The following EHD3 variants were observed in gnomAD, a reference collection of about 807,000 sequenced individuals.
The protein encoded by EHD3 is EH domain containing 3.
Under a neutral mutation model 43.0 loss-of-function variants are expected in EHD3, and 17 were observed. That is an observed-to-expected ratio of 0.40 (90% CI 0.27 to 0.59). The LOEUF (loss-of-function observed/expected upper bound fraction) is 0.59. EHD3 is among the 20% of genes least tolerant of loss of function. The pLI, the probability that EHD3 is intolerant of heterozygous loss-of-function variation, is 0.49. For synonymous variants in EHD3, 313 were observed against 289.5 expected (o/e 1.08, Z -0.82); for missense variants, 594 against 705.6 (o/e 0.84, Z 1.79).
chr2:31,260,898 C>T lies in EHD3; in HGVS notation c.891C>T (p.Leu297=). The change falls in exon 4 of 6, where the codon CTC becomes CTT. Residue 297 remains leucine, a synonymous_variant. Transcript: ENST00000322054. This position sits in a 1 kb window ranked among gnomAD's most constrained non-coding sequence, Gnocchi z 4.6. The part of the protein sequence containing the change: ...RNAALRKLND[L]IKRARLAKVH... Reference sequence around the variant, plus strand: ...CTGCCCTGCGCAAGCTCAACGACCTCATCAAAAGGGCCAGGCTGGCCAAGG... The same window carrying T: ...CTGCCCTGCGCAAGCTCAACGACCTTATCAAAAGGGCCAGGCTGGCCAAGG... 1.2e-6 allele frequency: 2 copies of T among 1,611,260 alleles called. No homozygotes were observed. The highest frequency in any genetic ancestry group is 1.7e-6 in the Non-Finnish European group (2 of 1,178,582).
chr2:31,265,450 C>A (rs1683932139), intron 5 of EHD3, among the ~76,000 whole-genome samples: 1 of 152,208 alleles, frequency 6.6e-6, no homozygotes, highest in Non-Finnish European at 1.5e-5. Flanking sequence ...TTATTGTCTT[C>A]TGGGACCCTC....
intron 2 of EHD3, among the ~76,000 whole-genome samples, chr2:31,245,553 A>ATATATATATATT (rs1446415610): frequency 1.7e-4 from 6 of 35,074 alleles, no homozygotes; most frequent in African/African-American, 4.5e-4. Context: ...ATATATATAT[A>ATATATATATATT]TTTTTTTTTT....
chr2:31,254,019 A>G (rs1683690309), intron 3 of EHD3, among the ~76,000 whole-genome samples: 1 of 152,126 alleles, frequency 6.6e-6, no homozygotes, highest in Non-Finnish European at 1.5e-5. Flanking sequence ...TTAGGAAAGC[A>G]GGGCGGGGCT....
chr2:31,266,786 ACACAC>A lies in EHD3; in HGVS notation c.*83_*87del. On this transcript the variant is annotated 3_prime_UTR_variant, in exon 6 of 6. Coordinates refer to ENST00000322054, the MANE Select transcript of EHD3 (RefSeq NM_014600.3). The surrounding 1 kb of genome is among the most constrained non-coding windows in gnomAD (Gnocchi z 5.1). ...TACACACACACACACACACACACAC[ACACAC>A]ACAAACATGCACACACACATATGCA... 4 of 1,400,650 alleles carry A rather than the reference ACACAC, an allele frequency of 2.9e-6. No individual in the cohort carries two copies. The highest frequency in any genetic ancestry group is 1.4e-5 in the African/African-American group (1 of 70,470). The allele number at this position is 1,400,650 out of a possible 1,614,324, so 86.8% of individuals were successfully genotyped here.
rs1447445505 is a variant in EHD3, at chr2:31,268,183, C to T, written c.*1479C>T. 6.5e-6 allele frequency: 1 copy of T among 152,720 alleles called. No homozygotes were observed. Among genetic ancestry groups the T allele is most frequent in the Non-Finnish European group, 1.5e-5 (1 of 68,082 alleles). The allele number at this position is 152,720 out of a possible 1,614,324, so 9.5% of individuals were successfully genotyped here. On this transcript the variant is annotated 3_prime_UTR_variant, in exon 6 of 6. Transcript: ENST00000322054. ...TGTACTCAATGCCCTACATTCTCTT[C>T]TGTGGTCTCTCCCCTGGCTTGCTTC...
chr2:31,246,199 G>A (rs1414069413), intron 2 of EHD3, among the ~76,000 whole-genome samples: 2 of 152,082 alleles, frequency 1.3e-5, no homozygotes, highest in South Asian at 4.2e-4. Context: ...GAGTCCAGGG[G>A]TGTCTCTTAT....
chr2:31,249,082 AC>A (rs1683584327), intron 2 of EHD3, among the ~76,000 whole-genome samples: 1 of 152,128 alleles, frequency 6.6e-6, no homozygotes, highest in South Asian at 2.1e-4. Context: ...ACACATGAAG[AC>A]CCAATGTCGC....
chr2:31,249,225 C>G (rs542427867), intron 2 of EHD3, 146 bp from the exon 3 acceptor site: 1 of 699,654 alleles, frequency 1.4e-6, no homozygotes, highest in African/African-American at 1.8e-5. Context: ...TCAGCCACAC[C>G]CTGAACTGGG....
At chr2:31,261,108 T>C (rs1229837817) in intron 4 of EHD3, among the ~76,000 whole-genome samples, 186 bp downstream of exon 4, 1 of 152,230 alleles carries the variant, frequency 6.6e-6, no homozygotes, top group Non-Finnish European at 1.5e-5. Context: ...ACTGACTCCA[T>C]TGTTTACTGT....
intron 2 of EHD3, among the ~76,000 whole-genome samples, chr2:31,246,131 T>C (rs1482882830): frequency 1.3e-5 from 2 of 151,866 alleles, no homozygotes; most frequent in Non-Finnish European, 2.9e-5. Context: ...GAAGCTGAGG[T>C]CCCTTTAGGA....
intron 4 of EHD3, among the ~76,000 whole-genome samples, chr2:31,261,129 C>G (rs976394842): frequency 6.6e-6 from 1 of 152,222 alleles, no homozygotes; most frequent in Admixed American, 6.5e-5. Context: ...CTGTGGGATT[C>G]CCAGCCTTGG....
chr2:31,260,505 G>T lies in EHD3; in HGVS notation c.503-5G>T, dbSNP rs200027155. Reference sequence around the variant, plus strand: ...CCCAGCCCCTGATTGTCCCTCTGCCGGCAGGGTATGACTTTGCAGCTGTCC... The same window carrying T: ...CCCAGCCCCTGATTGTCCCTCTGCCTGCAGGGTATGACTTTGCAGCTGTCC... On this transcript the variant is annotated splice_region_variant and splice_polypyrimidine_tract_variant and intron_variant, in intron 3 of 5. Transcript: ENST00000322054. This position sits in a 1 kb window ranked among gnomAD's most constrained non-coding sequence, Gnocchi z 4.6. 9 of 1,586,716 alleles carry T rather than the reference G, an allele frequency of 5.7e-6. No homozygotes were observed. The African/African-American group carries it at 9.4e-5, about 17-fold the overall frequency.
rs748099055 is a variant in EHD3 at position 31,266,457 on chromosome 2, C to A, written c.1361C>A (p.Thr454Asn). Residue 454 changes from threonine (T) to asparagine (N), a missense_variant, in exon 6 of 6, where the codon ACC (threonine) becomes AAC (asparagine). Physicochemically the swap from Thr to Asn is moderately conservative, Grantham distance 65. Coordinates refer to ENST00000322054, the MANE Select transcript of EHD3 (RefSeq NM_014600.3). The surrounding 1 kb of genome is among the most constrained non-coding windows in gnomAD (Gnocchi z 5.1). ...DKPMYDEIFY[T>N]LSPVDGKITG... is the part of the protein sequence containing the mutation. ...CCCATGTACGACGAGATCTTCTACA[C>A]CCTGTCACCGGTGGATGGCAAGATC... 3 of 1,614,142 alleles carry A rather than the reference C, an allele frequency of 1.9e-6. No individual in the cohort carries two copies. Among genetic ancestry groups the A allele is most frequent in the Admixed American group, 3.3e-5 (2 of 60,020 alleles).
chr2:31,257,585 G>A (rs2148722059), intron 3 of EHD3, among the ~76,000 whole-genome samples: 2 of 152,294 alleles, frequency 1.3e-5, no homozygotes, highest in Middle Eastern at 6.8e-3. Flanking sequence ...AAGTGAGAAC[G>A]ATACTCCTCG....
intron 1 of EHD3, among the ~76,000 whole-genome samples, chr2:31,240,151 C>T (rs998489016): frequency 6.6e-6 from 1 of 152,150 alleles, no homozygotes; most frequent in African/African-American, 2.4e-5. Flanking sequence ...TCCACTTTCT[C>T]GCTTGTGTCT....
chr2:31,244,835 C>T (rs1221463090), intron 2 of EHD3, among the ~76,000 whole-genome samples: 4 of 152,126 alleles, frequency 2.6e-5, no homozygotes, highest in African/African-American at 9.7e-5. Context: ...CTTTTCTATT[C>T]ACGGATATTG....
At chr2:31,256,410 C>T (rs561690790) in intron 3 of EHD3, among the ~76,000 whole-genome samples, 3 of 152,308 alleles carry the variant, frequency 2.0e-5, no homozygotes, top group South Asian at 2.1e-4. Context: ...AGATGCCAAA[C>T]GTGGAACAGG....
Position 31,261,638 on chromosome 2 carries a change from G to A in EHD3, c.1005G>A (p.Leu335=), listed in dbSNP as rs1683860519. The change falls in exon 5 of 6, where the codon CTG becomes CTA. Residue 335 remains leucine, a synonymous_variant. Coordinates refer to ENST00000322054, the MANE Select transcript of EHD3 (RefSeq NM_014600.3). ...AGAAGAAGGAGCTGGTCAACAACCT[G>A]GCCGAGATCTATGGCCGGATCGAGC... is the stretch of plus-strand genomic sequence containing the variant. ...DNKKKELVNN[L]AEIYGRIERE... is the part of the protein sequence containing the mutation. The A allele has an allele frequency of 3.1e-6, 5 of 1,614,212 alleles. No homozygotes were observed. Among genetic ancestry groups the A allele is most frequent in the African/African-American group, 2.7e-5 (2 of 75,062 alleles).
chr2:31,246,230 G>T (rs143777099), intron 2 of EHD3, among the ~76,000 whole-genome samples: 411 of 152,172 alleles, frequency 2.7e-3, no homozygotes, highest in African/African-American at 9.6e-3. Flanking sequence ...GAGTAAGGAG[G>T]TCCTGGATGC....
Sources: gnomAD v4.1 joint callset for allele counts (sites outside exome capture counted in the v4.1 genomes callset) on GRCh38, gnomAD v4.1.1 for gene constraint, Gnocchi (gnomAD v3.1) non-coding constraint, MANE v1.5 for transcripts, NCBI Gene and HGNC (gene_info 2026-07-23, HGNC 2026-07-21) for gene names.